Variants in IGSF11 observed in about 807,000 individuals in gnomAD.
IGSF11 encodes the protein immunoglobulin superfamily member 11.
Under a neutral mutation model 41.0 loss-of-function variants are expected in IGSF11, and 22 were observed. The ratio of observed to expected loss-of-function variants is 0.54; its 90% CI spans 0.38 to 0.77. The LOEUF is 0.77. Among genes scored for constraint, IGSF11 ranks in the 30% least tolerant of loss-of-function variants. The pLI, the probability that IGSF11 is intolerant of heterozygous loss-of-function variation, is 0.00. For synonymous variants in IGSF11, 219 were observed against 201.3 expected (o/e 1.09, Z -0.74); for missense variants, 444 against 530.8 (o/e 0.84, Z 1.61).
chr3:118,951,797 C>T (rs1352614861), intron 1 of IGSF11, among the ~76,000 whole-genome samples: 3 of 152,076 alleles, frequency 2.0e-5, no homozygotes, highest in Non-Finnish European at 2.9e-5. Context: ...AGATTACATA[C>T]AATACCTAAC....
chr3:118,916,934 G>C (rs1045484686), intron 4 of IGSF11, among the ~76,000 whole-genome samples: 5 of 152,006 alleles, frequency 3.3e-5, no homozygotes, highest in Admixed American at 6.5e-5. Context: ...AATCAAACTA[G>C]AACTCAGGAT....
intron 1 of IGSF11, among the ~76,000 whole-genome samples, chr3:118,942,331 C>T (rs540387198): frequency 5.9e-5 from 9 of 152,200 alleles, no homozygotes; most frequent in South Asian, 2.1e-4. Flanking sequence ...ACTGCAACTA[C>T]GAATGATGTC....
chr3:118,972,249 A>G (rs1576520344), intron 1 of IGSF11, among the ~76,000 whole-genome samples: 1 of 152,342 alleles, frequency 6.6e-6, no homozygotes, highest in African/African-American at 2.4e-5. Flanking sequence ...GACAGATACA[A>G]GGATTTGAAT....
chr3:119,114,120 G>C (rs1452292289), intron 1 of IGSF11, among the ~76,000 whole-genome samples: 1 of 152,242 alleles, frequency 6.6e-6, no homozygotes, highest in Non-Finnish European at 1.5e-5. Flanking sequence ...CTCCAGGCCT[G>C]TGATGGGAGG....
rs961221737 is a variant in IGSF11, at chr3:119,111,419, T to C, written c.-13-6214A>G. On this transcript the variant is annotated intron_variant, in intron 1 of 7. Coordinates refer to the IGSF11 transcript ENST00000425327. ...GCTTCTGCATTCTTCACGTAGTTCT[T>C]GAGCCTCGGCTTTCAGCTCCATCAG... Among the ~76,000 whole-genome samples the C allele has an allele frequency of 2.8e-4, 43 of 152,162 alleles. No homozygotes were observed. The Middle Eastern group carries it at 0.01, about 36-fold the overall frequency.
intron 1 of IGSF11, among the ~76,000 whole-genome samples, chr3:119,100,117 G>A (rs1576797982): frequency 6.6e-6 from 1 of 152,252 alleles, no homozygotes; most frequent in Non-Finnish European, 1.5e-5. Flanking sequence ...AATATTTTTA[G>A]ACTGCAATTG....
At chr3:119,105,981 C>T (rs572198628), upstream of IGSF11, among the ~76,000 whole-genome samples, 1 of 152,282 alleles carries the variant, frequency 6.6e-6, no homozygotes, top group South Asian at 2.1e-4. Context: ...TTGGTTCATA[C>T]TTATTTGTCA....
intron 1 of IGSF11, among the ~76,000 whole-genome samples, chr3:119,009,273 CCAAAAAAAAGAG>C (rs1366743812): frequency 2.4e-5 from 3 of 125,708 alleles, no homozygotes; most frequent in African/African-American, 1.2e-4. Context: ...ATCCATGTTA[CCAAAAAAAAGAG>C]CAAAATGAAG....
intron 1 of IGSF11, among the ~76,000 whole-genome samples, chr3:119,034,214 G>T (rs1025167817): frequency 6.6e-6 from 1 of 152,240 alleles, no homozygotes; most frequent in Non-Finnish European, 1.5e-5. Flanking sequence ...AGTGAGTAAG[G>T]GAGTTCGTTA....
intron 1 of IGSF11, among the ~76,000 whole-genome samples, chr3:119,082,231 GGTAAGAAAAAATGGCAACATAAAA>G (rs1559856789): frequency 6.6e-6 from 1 of 152,080 alleles, no homozygotes; most frequent in Non-Finnish European, 1.5e-5. Flanking sequence ...AAATTTAATA[GGTAAGAAAAAATGGCAACATAAAA>G]GTAAGATAAA....
At chr3:119,002,880 G>A (rs1344977297) in intron 1 of IGSF11, among the ~76,000 whole-genome samples, 1 of 38,030 alleles carries the variant, frequency 2.6e-5, no homozygotes, top group Non-Finnish European at 4.6e-5. Flanking sequence ...CTGTAGCCTT[G>A]TAGTATAGTT....
chr3:118,972,419 T>A lies in IGSF11; in HGVS notation c.53-42144A>T, dbSNP rs562688447. Among the ~76,000 whole-genome samples, 18 of 152,370 alleles carry A rather than the reference T, an allele frequency of 1.2e-4. No individual in the cohort carries two copies. The East Asian group carries it at 3.1e-3, about 26-fold the overall frequency. On this transcript the variant is annotated intron_variant, in intron 1 of 6. Transcript: ENST00000393775. ...AACACACTTACTAGGAGCATTATAC[T>A]TATTATGCTTCATGTCTATTGTCTT...
intron 1 of IGSF11, among the ~76,000 whole-genome samples, chr3:119,115,460 A>T (rs1326123284): frequency 6.6e-6 from 1 of 152,176 alleles, no homozygotes; most frequent in Non-Finnish European, 1.5e-5. Context: ...AGGTGAGATG[A>T]TATCTCATTG....
Position 119,087,401 on chromosome 3 carries a change from CAT to C in IGSF11, c.49+17741_49+17742del, listed in dbSNP as rs1292738817. 3.6e-3 allele frequency among the ~76,000 whole-genome samples: 502 copies of C among 137,548 alleles called. 2 individuals carry two copies. The highest frequency in any genetic ancestry group is 0.012 in the East Asian group (56 of 4,530). 90.2% of individuals were successfully genotyped at this position (137,548 alleles called of 152,430 possible). On this transcript the variant is annotated intron_variant, in intron 1 of 6. Transcript: ENST00000354673. ...ACACACACACACACACACACACACA[CAT>C]ACACACACACACACACACACCATAG...
In IGSF11 at chr3:118,928,570, C is replaced by T. The variant is rs189016993; in HGVS notation, c.363G>A (p.Leu121=). Residue 121 remains leucine (L), a synonymous_variant, in exon 3 of 7, where the codon CTG becomes CTA. Coordinates refer to ENST00000393775, the MANE Select transcript of IGSF11 (RefSeq NM_001015887.3). ...QLSDTGTYQC[L]VNNLPDIGGR... ...CCCCTATGTCTGGAAGGTTGTTGAC[C>T]AGGCACTGGTAGGTGCCAGTGTCTG... The T allele has an allele frequency of 7.4e-6, 12 of 1,613,848 alleles. No homozygotes were observed. In the African/African-American group the frequency reaches 1.5e-4, roughly 20 times the overall value.
At chr3:119,069,269 A>G (rs1414633257) in intron 1 of IGSF11, among the ~76,000 whole-genome samples, 1 of 152,186 alleles carries the variant, frequency 6.6e-6, no homozygotes, top group African/African-American at 2.4e-5. Flanking sequence ...GAGGAGAGAC[A>G]ACATGCTTAC....
rs370688245 is a variant in IGSF11 at position 118,971,715 on chromosome 3, A to G, written c.53-41440T>C. ...GCTACTCAGGAGGCTGAGGCAGAGA[A>G]TTGCTTGACCCTGGGAGGCAGAGGT... On this transcript the variant is annotated intron_variant, in intron 1 of 6. Coordinates refer to ENST00000393775, the MANE Select transcript of IGSF11 (RefSeq NM_001015887.3). Among the ~76,000 whole-genome samples, 11 of 150,606 alleles carry G rather than the reference A, an allele frequency of 7.3e-5. No homozygotes were observed. In the South Asian group the frequency reaches 2.4e-3, roughly 33 times the overall value.
chr3:118,969,667 ATC>A (rs1218093768), intron 1 of IGSF11, among the ~76,000 whole-genome samples: 2 of 152,194 alleles, frequency 1.3e-5, no homozygotes, highest in African/African-American at 2.4e-5. Context: ...ACTGAACTTA[ATC>A]TCTGTTTTAA....
At chr3:119,008,129 C>T (rs866031432) in intron 1 of IGSF11, among the ~76,000 whole-genome samples, 19 of 152,094 alleles carry the variant, frequency 1.2e-4, no homozygotes, top group African/African-American at 4.6e-4. Context: ...AACAACCTTC[C>T]ATCCAGAAGA....
Sources: gnomAD v4.1 joint callset for allele counts (sites outside exome capture counted in the v4.1 genomes callset) on GRCh38, gnomAD v4.1.1 for gene constraint, MANE v1.5 for transcripts, NCBI Gene and HGNC (gene_info 2026-07-23, HGNC 2026-07-21) for gene names.